The following PTPRD variants were observed in gnomAD, a reference collection of about 807,000 sequenced individuals.
PTPRD encodes protein tyrosine phosphatase receptor type D, also known as receptor-type tyrosine-protein phosphatase delta.
Under a neutral mutation model 214.5 loss-of-function variants are expected in PTPRD, and 34 were observed. The ratio of observed to expected loss-of-function variants is 0.16; its 90% confidence interval spans 0.12 to 0.21. PTPRD has a LOEUF of 0.21. Among genes scored for constraint, PTPRD ranks in the 10% least tolerant of loss-of-function variants. The probability of loss-of-function intolerance (pLI) is 1.00; values close to 1 mark genes in which losing one functional copy is unlikely to be tolerated. For synonymous variants in PTPRD, 1,128 were observed against 845.7 expected (o/e 1.33, Z -5.79); for missense variants, 2,545 against 2,398.7 (o/e 1.06, Z -1.27).
intron 5 of PTPRD, among the ~76,000 whole-genome samples, chr9:9,929,113 C>G (rs1269424989): frequency 2.0e-5 from 3 of 152,310 alleles, no homozygotes; most frequent in Middle Eastern, 3.4e-3. Context: ...ACCTATTTTA[C>G]TATGTCACTA....
intron 3 of PTPRD, among the ~76,000 whole-genome samples, chr9:10,336,888 T>G (rs988890729): frequency 1.3e-5 from 2 of 151,668 alleles, no homozygotes; most frequent in Non-Finnish European, 3.0e-5. Flanking sequence ...AAAGTCATTC[T>G]CTATAGACAG....
intron 12 of PTPRD, among the ~76,000 whole-genome samples, chr9:8,649,239 C>G (rs1167662395): frequency 6.6e-6 from 1 of 152,198 alleles, no homozygotes; most frequent in African/African-American, 2.4e-5. Context: ...CAGTAGTAAA[C>G]CAGTTCCACA....
At chr9:8,576,105 A>G (rs1284198781) in intron 14 of PTPRD, among the ~76,000 whole-genome samples, 3 of 152,224 alleles carry the variant, frequency 2.0e-5, no homozygotes, top group Non-Finnish European at 4.4e-5. Context: ...ATCTATCCTT[A>G]TAACACCAAA....
At chr9:10,599,690 C>G (rs1305626350) in intron 2 of PTPRD, among the ~76,000 whole-genome samples, 2 of 151,750 alleles carry the variant, frequency 1.3e-5, no homozygotes, top group African/African-American at 4.8e-5. Flanking sequence ...TGTTAAGTTA[C>G]TTAATCAGAA....
At chr9:9,764,350 A>C (rs749976235) in intron 6 of PTPRD, among the ~76,000 whole-genome samples, 2 of 152,186 alleles carry the variant, frequency 1.3e-5, no homozygotes, top group African/African-American at 4.8e-5. Context: ...GTGCAACATG[A>C]AGACCCCTTA....
rs1378174418 is a variant in PTPRD, at chr9:9,093,785, A to G, written c.-142-75050T>C. ...GATCTAGCCTTCTATTTAAGAAACTAGAAAGGGAAGAGCAAGCAGAAGGAA... is the reference window on the plus strand; with the variant it reads ...GATCTAGCCTTCTATTTAAGAAACTGGAAAGGGAAGAGCAAGCAGAAGGAA... On this transcript the variant is annotated intron_variant, in intron 10 of 45. Coordinates refer to ENST00000381196, the MANE Select transcript of PTPRD (RefSeq NM_002839.4). Among the ~76,000 whole-genome samples, 8 of 151,848 alleles carry G rather than the reference A, an allele frequency of 5.3e-5. No homozygotes were observed. In the South Asian group the frequency reaches 1.7e-3, roughly 32 times the overall value.
chr9:9,316,159 A>T (rs1962932285), intron 9 of PTPRD, among the ~76,000 whole-genome samples: 1 of 152,014 alleles, frequency 6.6e-6, no homozygotes, highest in Non-Finnish European at 1.5e-5. Context: ...AAAGTACGTT[A>T]TTCTATGAGA....
intron 11 of PTPRD, among the ~76,000 whole-genome samples, chr9:8,788,921 T>A (rs186851815): frequency 6.6e-6 from 1 of 152,200 alleles, no homozygotes; most frequent in African/African-American, 2.4e-5. Context: ...ACCAATTTAA[T>A]GTTTACTGGA....
At chr9:9,005,243 G>A (rs2099455801) in intron 11 of PTPRD, among the ~76,000 whole-genome samples, 1 of 152,020 alleles carries the variant, frequency 6.6e-6, no homozygotes, top group African/African-American at 2.4e-5. Flanking sequence ...CATTTTGAAT[G>A]ATATAGAAGA....
At chr9:9,275,130 A>T (rs1274750041) in intron 9 of PTPRD, among the ~76,000 whole-genome samples, 4 of 51,562 alleles carry the variant, frequency 7.8e-5, no homozygotes, top group Non-Finnish European at 1.4e-4. Flanking sequence ...TATATATATT[A>T]TATATAATAT....
chr9:9,830,060 A>G (rs947570131), intron 5 of PTPRD, among the ~76,000 whole-genome samples: 1 of 151,710 alleles, frequency 6.6e-6, no homozygotes, highest in Non-Finnish European at 1.5e-5. Flanking sequence ...CTAAACATTC[A>G]TCTCTATTTC....
chr9:8,923,093 G>T (rs2098839242), intron 11 of PTPRD, among the ~76,000 whole-genome samples: 2 of 151,162 alleles, frequency 1.3e-5, no homozygotes, highest in Non-Finnish European at 2.9e-5. Context: ...CCAGGCTGGA[G>T]CGCAATGGTG....
At chr9:8,469,076 T>C in intron 31 of PTPRD, among the ~76,000 whole-genome samples, 1 of 152,074 alleles carries the variant, frequency 6.6e-6, no homozygotes, top group Middle Eastern at 3.4e-3. Flanking sequence ...ACCCAAAAAT[T>C]TTGAATTAAT....
intron 12 of PTPRD, among the ~76,000 whole-genome samples, chr9:8,671,617 G>A (rs1365660623): frequency 2.6e-5 from 4 of 152,222 alleles, no homozygotes; most frequent in African/African-American, 9.6e-5. Flanking sequence ...TCAGAGAAAT[G>A]CCTACACTGA....
chr9:9,998,761 A>G (rs1212294035), intron 4 of PTPRD, among the ~76,000 whole-genome samples: 1 of 152,168 alleles, frequency 6.6e-6, no homozygotes. Context: ...TAGCTGAGCT[A>G]ATAGCTCTAA....
intron 11 of PTPRD, among the ~76,000 whole-genome samples, chr9:8,825,085 G>T (rs1231860991): frequency 6.6e-6 from 1 of 152,112 alleles, no homozygotes; most frequent in African/African-American, 2.4e-5. Flanking sequence ...GCCCTGCCAT[G>T]AGTTTGTACC....
intron 7 of PTPRD, among the ~76,000 whole-genome samples, chr9:9,657,605 G>T (rs987376559): frequency 1.3e-5 from 2 of 152,066 alleles, no homozygotes; most frequent in African/African-American, 4.8e-5. Context: ...TATAATAATA[G>T]TGAAAAATAA....
chr9:9,951,092 A>C (rs1047839701), intron 4 of PTPRD, among the ~76,000 whole-genome samples: 10 of 152,094 alleles, frequency 6.6e-5, no homozygotes, highest in Non-Finnish European at 1.2e-4. Flanking sequence ...AGGAATTTTC[A>C]CCTCAGGTTA....
chr9:8,319,800 G>C (rs930801489), intron 45 of PTPRD, 31 bp downstream of exon 45: 1 of 1,611,358 alleles, frequency 6.2e-7, no homozygotes, highest in South Asian at 1.1e-5. Flanking sequence ...GTAGGCTCTT[G>C]AGATGCGAAA....
Sources: allele counts gnomAD v4.1 joint callset (sites outside exome capture counted in the v4.1 genomes callset), GRCh38; gene constraint gnomAD v4.1.1; transcripts MANE v1.5; gene names NCBI Gene and HGNC (gene_info 2026-07-23, HGNC 2026-07-21).